TGFBR3: variants seen among roughly 807,000 people sequenced by gnomAD.
The protein encoded by TGFBR3 is transforming growth factor beta receptor 3.
A neutral mutation model predicts 87.9 loss-of-function variants in TGFBR3; 46 were observed. The ratio of observed to expected loss-of-function variants is 0.52; its 90% CI spans 0.41 to 0.67. The LOEUF is 0.67. Ranked by LOEUF, TGFBR3 falls within the 30% of genes least tolerant of loss-of-function variation. The pLI is 0.00. For synonymous variants in TGFBR3, 381 were observed against 391.6 expected (o/e 0.97, Z 0.32); for missense variants, 866 against 1,041.9 (o/e 0.83, Z 2.32).
intron 16 of TGFBR3, among the ~76,000 whole-genome samples, chr1:91,692,944 C>G (rs778633938): frequency 6.6e-6 from 1 of 152,188 alleles, no homozygotes; most frequent in Non-Finnish European, 1.5e-5. Context: ...GCTATCTGAA[C>G]CCCCAAATAC....
chr1:91,777,388 A>G (rs1674601990), intron 3 of TGFBR3, among the ~76,000 whole-genome samples: 2 of 152,188 alleles, frequency 1.3e-5, no homozygotes, highest in African/African-American at 4.8e-5. Context: ...TGCTGTCCTC[A>G]ACATATTTCA....
chr1:91,706,304 A>T (rs11165288), intron 14 of TGFBR3, among the ~76,000 whole-genome samples: 55 of 152,090 alleles, frequency 3.6e-4, no homozygotes, highest in Non-Finnish European at 6.9e-4. Context: ...GGTCATAAAG[A>T]CCCCGCTGAT....
At chr1:91,816,597 T>C (rs1429516109) in intron 2 of TGFBR3, among the ~76,000 whole-genome samples, 5 of 152,228 alleles carry the variant, frequency 3.3e-5, no homozygotes, top group East Asian at 3.8e-4. Flanking sequence ...ATTTCAGCTA[T>C]TGAGTCTCTT....
chr1:91,749,531 C>A (rs1557691011), intron 4 of TGFBR3, among the ~76,000 whole-genome samples: 1 of 152,194 alleles, frequency 6.6e-6, no homozygotes, highest in South Asian at 2.1e-4. Context: ...TCCTCCCCTG[C>A]GAAATCAGAA....
intron 3 of TGFBR3, among the ~76,000 whole-genome samples, chr1:91,795,650 T>C (rs942964022): frequency 3.3e-5 from 5 of 152,190 alleles, no homozygotes; most frequent in East Asian, 3.8e-4. Context: ...GAGAAGCATA[T>C]ATAAAATGAG....
chr1:91,892,757 T>C (rs1260386677), intron 2 of TGFBR3, among the ~76,000 whole-genome samples: 1 of 152,232 alleles, frequency 6.6e-6, no homozygotes, highest in Non-Finnish European at 1.5e-5. Flanking sequence ...AGCCATGAGA[T>C]GGTTATTCCC....
intron 3 of TGFBR3, among the ~76,000 whole-genome samples, chr1:91,761,365 C>G (rs1673957270): frequency 6.6e-6 from 1 of 152,162 alleles, no homozygotes; most frequent in Non-Finnish European, 1.5e-5. Context: ...CTGAGCTTTC[C>G]TGGAAACAGC....
Position 91,780,551 on chromosome 1 carries a change from CTTTT to C in TGFBR3, c.246+16732_246+16735del, listed in dbSNP as rs60294904. 2.1e-3 allele frequency among the ~76,000 whole-genome samples: 160 copies of C among 77,164 alleles called. 1 individual carries two copies. The highest frequency in any genetic ancestry group is 2.7e-3 in the Non-Finnish European group (118 of 43,430). The allele number at this position is 77,164 out of a possible 152,430, so 50.6% of individuals were successfully genotyped here. The stretch of plus-strand genomic sequence containing the variant: ...TACTAGTTCCCGCAAGGGTCTAAGG[CTTTT>C]TTTTTTTTTTTTTTTTTTTCTGACA... On this transcript the variant is annotated intron_variant, in intron 3 of 16. Transcript: ENST00000212355.
chr1:91,815,315 A>C (rs371489717), intron 2 of TGFBR3, among the ~76,000 whole-genome samples: 453 of 122,054 alleles, frequency 3.7e-3, no homozygotes, highest in East Asian at 0.014. Flanking sequence ...ATAAAATAAA[A>C]TAAAATAAAA....
At chr1:91,735,722 T>C (rs1672944706) in intron 4 of TGFBR3, among the ~76,000 whole-genome samples, 1 of 152,230 alleles carries the variant, frequency 6.6e-6, no homozygotes, top group Admixed American at 6.5e-5. Flanking sequence ...TATGTGTAAT[T>C]AACACATCCA....
chr1:91,848,777 A>T (rs1677605268), intron 2 of TGFBR3, among the ~76,000 whole-genome samples: 1 of 152,328 alleles, frequency 6.6e-6, no homozygotes, highest in East Asian at 1.9e-4. Flanking sequence ...CCCCCTGAGA[A>T]ATGAAAAGAA....
chr1:91,735,056 G>A (rs547749444), intron 4 of TGFBR3, 97 bp from the exon 5 acceptor site: 13 of 1,409,790 alleles, frequency 9.2e-6, no homozygotes, highest in South Asian at 3.5e-5. Context: ...CTTGTAAATC[G>A]AACCTCTTCC....
At chr1:91,842,048 C>T (rs1677308128) in intron 2 of TGFBR3, among the ~76,000 whole-genome samples, 1 of 149,598 alleles carries the variant, frequency 6.7e-6, no homozygotes, top group Non-Finnish European at 1.5e-5. Context: ...TTGCAGTCAG[C>T]CAAGAAATGT....
intron 2 of TGFBR3, among the ~76,000 whole-genome samples, chr1:91,835,610 T>C (rs1305294812): frequency 6.6e-6 from 1 of 151,492 alleles, no homozygotes; most frequent in East Asian, 2.0e-4. Context: ...GGGCAGATCA[T>C]GAGGTCAGGA....
rs79538742 is a variant in TGFBR3, at chr1:91,714,937, G to A, written c.1866+1299C>T. Among the ~76,000 whole-genome samples the A allele has an allele frequency of 3.1e-3, 467 of 152,340 alleles. 1 individual carries two copies. The highest frequency in any genetic ancestry group is 0.011 in the African/African-American group (445 of 41,576). ...ATGATCAAGGAAAACAACATCTAGCGCCAGCGGGCTCTGTCCCAGAGTCAG... is the reference window on the plus strand; with the variant it reads ...ATGATCAAGGAAAACAACATCTAGCACCAGCGGGCTCTGTCCCAGAGTCAG... On this transcript the variant is annotated intron_variant, in intron 12 of 16. Transcript: ENST00000212355.
intron 2 of TGFBR3, among the ~76,000 whole-genome samples, chr1:91,843,539 GT>G (rs1207021529): frequency 1.3e-5 from 2 of 152,208 alleles, no homozygotes; most frequent in African/African-American, 2.4e-5. Context: ...AACTAGGTAA[GT>G]ACTATGGTAA....
intron 1 of TGFBR3, among the ~76,000 whole-genome samples, chr1:91,867,469 C>T (rs551678727): frequency 2.6e-5 from 4 of 152,268 alleles, no homozygotes; most frequent in Non-Finnish European, 4.4e-5. Flanking sequence ...TCCTTGGGGC[C>T]GAACTTCAGT....
At chr1:91,797,181 T>G in intron 3 of TGFBR3, 106 bp downstream of exon 3, 3 of 1,215,426 alleles carry the variant, frequency 2.5e-6, no homozygotes, top group Non-Finnish European at 3.7e-6. Context: ...TGTTCATACA[T>G]GAGCTTCTTT....
chr1:91,768,863 A>C (rs979020166), intron 3 of TGFBR3, among the ~76,000 whole-genome samples: 5 of 152,150 alleles, frequency 3.3e-5, no homozygotes, highest in African/African-American at 9.7e-5. Context: ...TAATACATGA[A>C]TCAACACACA....
Sources: gnomAD v4.1 joint callset for allele counts (sites outside exome capture counted in the v4.1 genomes callset) on GRCh38, gnomAD v4.1.1 for gene constraint, MANE v1.5 for transcripts, NCBI Gene and HGNC (gene_info 2026-07-23, HGNC 2026-07-21) for gene names.